Variants in ELOVL6 observed in about 807,000 individuals in gnomAD.
The protein encoded by ELOVL6 is very long chain fatty acid elongase 6.
ELOVL6 carries 8 observed loss-of-function variants against 31.7 expected under a neutral mutation model. That is an observed-to-expected ratio of 0.25 (90% CI 0.15 to 0.45). The LOEUF is 0.45. ELOVL6 is among the 20% of genes least tolerant of loss of function. The probability of loss-of-function intolerance (pLI) is 1.00; values close to 1 mark genes in which losing one functional copy is unlikely to be tolerated. For missense variants in ELOVL6, 126 were observed against 326.4 expected (o/e 0.39, Z 4.73); for synonymous variants, 101 against 117.7 (o/e 0.86, Z 0.92).
At chr4:110,169,372 G>T (rs1758876560) in intron 1 of ELOVL6, among the ~76,000 whole-genome samples, 1 of 151,568 alleles carries the variant, frequency 6.6e-6, no homozygotes, top group South Asian at 2.1e-4. Context: ...CCTAGTAGCT[G>T]GGACTACAGG....
intron 1 of ELOVL6, 54 bp downstream of exon 1, chr4:110,198,192 TC>T (rs1448648872): frequency 7.3e-6 from 8 of 1,094,476 alleles, no homozygotes; most frequent in Non-Finnish European, 1.1e-5. Flanking sequence ...ATTAAGGCAC[TC>T]CGGGAAGACG....
chr4:110,174,069 TA>T (rs1369463720), intron 1 of ELOVL6, among the ~76,000 whole-genome samples: 2 of 151,542 alleles, frequency 1.3e-5, no homozygotes, highest in Non-Finnish European at 2.9e-5. Context: ...ATGTAAATTT[TA>T]AAAAAGATTA....
intron 2 of ELOVL6, among the ~76,000 whole-genome samples, chr4:110,071,344 T>G (rs978989128): frequency 1.6e-4 from 25 of 152,232 alleles, no homozygotes; most frequent in African/African-American, 5.8e-4. Flanking sequence ...TGTAATGAAG[T>G]CATTTCACAC....
intron 2 of ELOVL6, among the ~76,000 whole-genome samples, chr4:110,097,426 C>T (rs767830712): frequency 3.3e-5 from 5 of 152,010 alleles, no homozygotes; most frequent in South Asian, 4.2e-4. Flanking sequence ...AAGCCAACTC[C>T]GGCAGTGCTA....
chr4:110,161,694 G>A (rs763204876), intron 1 of ELOVL6, among the ~76,000 whole-genome samples: 1 of 152,166 alleles, frequency 6.6e-6, no homozygotes, highest in African/African-American at 2.4e-5. Context: ...GAGAAACTAC[G>A]TATGTTAGAT....
intron 1 of ELOVL6, chr4:110,117,953 TC>T (rs1411838464): frequency 1.6e-5 from 1 of 60,978 alleles, no homozygotes; most frequent in Non-Finnish European, 3.2e-5. Flanking sequence ...AAAGGAATAA[TC>T]TTTTTTTTTT....
At chr4:110,088,384 C>T (rs570229231) in intron 2 of ELOVL6, among the ~76,000 whole-genome samples, 1 of 152,156 alleles carries the variant, frequency 6.6e-6, no homozygotes, top group Non-Finnish European at 1.5e-5. Flanking sequence ...CTGGAGGATG[C>T]CTGAAACCCA....
chr4:110,073,311 A>T (rs1755542531), intron 2 of ELOVL6, among the ~76,000 whole-genome samples: 1 of 147,880 alleles, frequency 6.8e-6, no homozygotes, highest in Non-Finnish European at 1.5e-5. Flanking sequence ...TCACAGAGGC[A>T]TTTTTTTTTT....
At chr4:110,168,031 C>T (rs1449133542) in intron 1 of ELOVL6, among the ~76,000 whole-genome samples, 5 of 151,934 alleles carry the variant, frequency 3.3e-5, no homozygotes, top group Admixed American at 1.3e-4. Context: ...AGTTAGAAAA[C>T]GTCTACTACT....
intron 1 of ELOVL6, among the ~76,000 whole-genome samples, chr4:110,162,126 T>C (rs1157624290): frequency 6.6e-6 from 1 of 152,216 alleles, no homozygotes; most frequent in Non-Finnish European, 1.5e-5. Flanking sequence ...GCCTAGTTTA[T>C]AATTGTTTTA....
At chr4:110,056,004 A>G (rs1425812273) in intron 3 of ELOVL6, among the ~76,000 whole-genome samples, 1 of 151,930 alleles carries the variant, frequency 6.6e-6, no homozygotes, top group Non-Finnish European at 1.5e-5. Context: ...AATGAGTAGC[A>G]TTTCAGTTGG....
At chr4:110,137,426 T>C (rs1407760692) in intron 1 of ELOVL6, among the ~76,000 whole-genome samples, 1 of 152,154 alleles carries the variant, frequency 6.6e-6, no homozygotes, top group African/African-American at 2.4e-5. Flanking sequence ...CAATCAGAAA[T>C]GGGACAAACT....
chr4:110,109,393 T>C (rs896567373), intron 1 of ELOVL6, among the ~76,000 whole-genome samples: 12 of 152,192 alleles, frequency 7.9e-5, no homozygotes, highest in Admixed American at 1.3e-4. Flanking sequence ...CCAAATGAAA[T>C]ACTGATGTGC....
intron 2 of ELOVL6, among the ~76,000 whole-genome samples, chr4:110,074,762 C>G (rs150829784): frequency 4.5e-4 from 69 of 152,204 alleles, no homozygotes; most frequent in Middle Eastern, 6.8e-3. Flanking sequence ...GCAGGAAGAA[C>G]TCAATAATAT....
intron 1 of ELOVL6, among the ~76,000 whole-genome samples, chr4:110,136,041 T>C (rs527293198): frequency 1.7e-4 from 26 of 152,318 alleles, no homozygotes; most frequent in African/African-American, 5.3e-4. Flanking sequence ...GAAGGTATCT[T>C]ATGATGGGCT....
intron 2 of ELOVL6, among the ~76,000 whole-genome samples, chr4:110,093,568 T>G (rs1000138565): frequency 1.1e-4 from 16 of 152,200 alleles, no homozygotes; most frequent in African/African-American, 3.1e-4. Context: ...AAATTCCAGG[T>G]AGTTCTTGAA....
intron 1 of ELOVL6, among the ~76,000 whole-genome samples, chr4:110,122,356 C>T (rs1560832780): frequency 6.6e-6 from 1 of 152,110 alleles, no homozygotes; most frequent in East Asian, 1.9e-4. Context: ...ACAGATTTGG[C>T]ATCATCTCTA....
chr4:110,084,211 C>CATAACTTATATGAT (rs1756077547), intron 2 of ELOVL6, among the ~76,000 whole-genome samples: 1 of 56,944 alleles, frequency 1.8e-5, no homozygotes, highest in Non-Finnish European at 2.8e-5. Context: ...ATATATATAA[C>CATAACTTATATGAT]ATATAACTTA....
intron 2 of ELOVL6, among the ~76,000 whole-genome samples, chr4:110,075,375 A>T (rs1755599806): frequency 6.6e-6 from 1 of 152,246 alleles, no homozygotes; most frequent in Non-Finnish European, 1.5e-5. Context: ...ACCTAAATGT[A>T]TCAATGGATG....
Sources: gnomAD v4.1 joint callset for allele counts (sites outside exome capture counted in the v4.1 genomes callset) on GRCh38, gnomAD v4.1.1 for gene constraint, MANE v1.5 for transcripts, NCBI Gene and HGNC (gene_info 2026-07-23, HGNC 2026-07-21) for gene names.